PLEKHH2: variants seen among roughly 807,000 people sequenced by gnomAD.
PLEKHH2 encodes the protein pleckstrin homology, MyTH4 and FERM domain containing H2, also known as pleckstrin homology domain-containing family H member 2.
In PLEKHH2, 129 loss-of-function variants were observed where a neutral mutation model predicts 187.9. That is an observed-to-expected ratio of 0.69 (90% confidence interval 0.59 to 0.79). The LOEUF (loss-of-function observed/expected upper bound fraction) is 0.79, where lower values mean the gene tolerates loss of function less well. Ranked by LOEUF, PLEKHH2 falls within the 30% of genes least tolerant of loss-of-function variation. The pLI is 0.00. For missense variants in PLEKHH2, 2,076 were observed against 1,751.2 expected (o/e 1.19, Z -3.31); for synonymous variants, 686 against 605.6 (o/e 1.13, Z -1.95).
intron 2 of PLEKHH2, among the ~76,000 whole-genome samples, chr2:43,668,151 G>T (rs1206297843): frequency 1.3e-5 from 2 of 152,036 alleles, no homozygotes; most frequent in Non-Finnish European, 2.9e-5. Flanking sequence ...TCCTGCCTCA[G>T]CCTCCCAAGT....
chr2:43,649,283 G>T (rs1169853398), intron 2 of PLEKHH2, among the ~76,000 whole-genome samples: 1 of 152,148 alleles, frequency 6.6e-6, no homozygotes, highest in Non-Finnish European at 1.5e-5. Context: ...TCTGAGTCAG[G>T]GAGGGAAAAA....
intron 2 of PLEKHH2, among the ~76,000 whole-genome samples, chr2:43,648,161 C>G (rs1666275385): frequency 6.6e-6 from 1 of 152,024 alleles, no homozygotes; most frequent in African/African-American, 2.4e-5. Flanking sequence ...TTATTATTTT[C>G]CTGTGTCTTT....
chr2:43,649,410 A>G (rs1666359392), intron 2 of PLEKHH2, among the ~76,000 whole-genome samples: 1 of 152,254 alleles, frequency 6.6e-6, no homozygotes, highest in Admixed American at 6.5e-5. Context: ...CATTGCTCGC[A>G]TAACCTCATG....
chr2:43,744,924 C>A (rs1232488030), intron 23 of PLEKHH2, among the ~76,000 whole-genome samples: 3 of 148,588 alleles, frequency 2.0e-5, no homozygotes, highest in African/African-American at 4.9e-5. Context: ...AGAAAACAGA[C>A]CTGTGGAAAT....
intron 2 of PLEKHH2, among the ~76,000 whole-genome samples, chr2:43,654,762 C>G (rs1328530744): frequency 6.7e-6 from 1 of 149,308 alleles, no homozygotes; most frequent in Non-Finnish European, 1.5e-5. Context: ...CGTGGTGGCT[C>G]ACGCCTGTAA....
At chr2:43,708,963 A>G (rs1669806835) in intron 11 of PLEKHH2, among the ~76,000 whole-genome samples, 1 of 152,234 alleles carries the variant, frequency 6.6e-6, no homozygotes, top group African/African-American at 2.4e-5. Flanking sequence ...TATGTCCCTT[A>G]AATGTTAATA....
At chr2:43,679,580 C>T in intron 3 of PLEKHH2, 1 of 294,510 alleles carries the variant, frequency 3.4e-6, no homozygotes, top group South Asian at 2.7e-5. Flanking sequence ...ACTGCAACCT[C>T]CGCCTCCCGG....
At chr2:43,751,681 G>C (rs1190226646) in intron 24 of PLEKHH2, among the ~76,000 whole-genome samples, 2 of 152,208 alleles carry the variant, frequency 1.3e-5, no homozygotes, top group East Asian at 3.9e-4. Context: ...AGCCCATTCT[G>C]TCTGCTGCAG....
chr2:43,641,913 G>A (rs1410336619), intron 1 of PLEKHH2, among the ~76,000 whole-genome samples: 1 of 152,172 alleles, frequency 6.6e-6, no homozygotes, highest in Non-Finnish European at 1.5e-5. Context: ...TTTAGAAATA[G>A]TAACATGTGA....
intron 27 of PLEKHH2, among the ~76,000 whole-genome samples, chr2:43,760,945 C>G (rs1672405685): frequency 6.6e-6 from 1 of 152,172 alleles, no homozygotes; most frequent in African/African-American, 2.4e-5. Context: ...AAGGTTCATC[C>G]ATGTTGTAAC....
intron 3 of PLEKHH2, among the ~76,000 whole-genome samples, chr2:43,687,598 CCCA>C (rs1668582885): frequency 6.6e-6 from 1 of 152,158 alleles, no homozygotes; most frequent in Non-Finnish European, 1.5e-5. Flanking sequence ...AATTTACATT[CCCA>C]CCAACAGTGT....
intron 14 of PLEKHH2, chr2:43,710,782 A>G (rs1005770968): frequency 6.0e-6 from 8 of 1,336,942 alleles, no homozygotes; most frequent in Non-Finnish European, 7.7e-6. Context: ...AGTAACTCCC[A>G]CCACACTTTA....
intron 16 of PLEKHH2, among the ~76,000 whole-genome samples, chr2:43,724,527 TA>T (rs1464657498): frequency 6.6e-6 from 1 of 152,214 alleles, no homozygotes; most frequent in African/African-American, 2.4e-5. Context: ...GTTTTGTCAA[TA>T]AAAGCTTAGA....
At chr2:43,757,299 G>T (rs752156382) in intron 26 of PLEKHH2, 35 bp downstream of exon 26, 2 of 1,402,766 alleles carry the variant, frequency 1.4e-6, no homozygotes, top group Admixed American at 5.6e-5. Flanking sequence ...ATAGGGTAGG[G>T]TCATACTAGT....
At chr2:43,732,796 T>C (rs2104575243) in intron 19 of PLEKHH2, among the ~76,000 whole-genome samples, 1 of 152,296 alleles carries the variant, frequency 6.6e-6, no homozygotes, top group East Asian at 1.9e-4. Context: ...CATAATTCCA[T>C]GTACTCTTCA....
At chr2:43,653,584 A>G (rs1197472261) in intron 2 of PLEKHH2, among the ~76,000 whole-genome samples, 1 of 152,224 alleles carries the variant, frequency 6.6e-6, no homozygotes, top group Non-Finnish European at 1.5e-5. Context: ...GGGATATAGG[A>G]AACAAGAGAT....
chr2:43,689,638 G>A (rs1668697826), intron 3 of PLEKHH2, among the ~76,000 whole-genome samples: 1 of 152,158 alleles, frequency 6.6e-6, no homozygotes, highest in African/African-American at 2.4e-5. Flanking sequence ...GTCTTAATAG[G>A]ATCAGTTGGT....
chr2:43,678,811 G>C, intron 2 of PLEKHH2, 52 bp from the exon 3 acceptor site: 1 of 1,374,564 alleles, frequency 7.3e-7, no homozygotes, highest in Admixed American at 1.9e-5. Flanking sequence ...TTTCAGAAAG[G>C]CTCATTTTTC....
chr2:43,725,162 A>C (rs1030952056), intron 16 of PLEKHH2, among the ~76,000 whole-genome samples: 30 of 152,200 alleles, frequency 2.0e-4, no homozygotes, highest in African/African-American at 5.5e-4. Context: ...ATCTGTACAG[A>C]GCAGAGTTTT....
Sources: allele counts gnomAD v4.1 joint callset (sites outside exome capture counted in the v4.1 genomes callset), GRCh38; gene constraint gnomAD v4.1.1; transcripts MANE v1.5; gene names NCBI Gene and HGNC (gene_info 2026-07-23, HGNC 2026-07-21).